Variants in RAPGEF1 observed in about 807,000 individuals in gnomAD.
RAPGEF1 encodes CRK SH3-binding GNRP.
In RAPGEF1, 33 loss-of-function variants were observed where a neutral mutation model predicts 143.3. That is an observed-to-expected ratio of 0.23 (90% CI 0.17 to 0.31). The LOEUF is 0.31. Ranked by LOEUF, RAPGEF1 falls within the 10% of genes least tolerant of loss-of-function variation. The pLI, the probability that RAPGEF1 is intolerant of heterozygous loss-of-function variation, is 1.00. For synonymous variants in RAPGEF1, 629 were observed against 676.5 expected (o/e 0.93, Z 1.09); for missense variants, 1,199 against 1,645.4 (o/e 0.73, Z 4.69).
intron 1 of RAPGEF1, among the ~76,000 whole-genome samples, chr9:131,709,430 A>G (rs915340780): frequency 3.3e-5 from 5 of 152,214 alleles, no homozygotes; most frequent in African/African-American, 1.2e-4. Flanking sequence ...AAACCAAGCC[A>G]TCATATTGAG....
rs868200622 is a variant in RAPGEF1, at chr9:131,586,835, G to A, written c.3233+901C>T. On this transcript the variant is annotated intron_variant, in intron 22 of 26. Transcript: ENST00000683357. ...ACACACACCTGCAGAGCGAGACTCCGTCTCAAACACACACACACACACACA... is the reference window on the plus strand; with the variant it reads ...ACACACACCTGCAGAGCGAGACTCCATCTCAAACACACACACACACACACA... Among the ~76,000 whole-genome samples the A allele has an allele frequency of 4.4e-4, 25 of 56,992 alleles. 2 individuals carry two copies. The highest frequency in any genetic ancestry group is 9.3e-4 in the East Asian group (2 of 2,144). 37.4% of individuals were successfully genotyped at this position (56,992 alleles called of 152,430 possible). A position where few individuals can be genotyped will look rare whatever the true frequency, so the allele number is the denominator to read the frequency against.
intron 1 of RAPGEF1, among the ~76,000 whole-genome samples, chr9:131,665,842 T>C (rs778810478): frequency 2.6e-5 from 4 of 152,204 alleles, no homozygotes; most frequent in Non-Finnish European, 4.4e-5. Flanking sequence ...GCTTTAGAAA[T>C]CAAGGTGATA....
At chr9:131,612,620 G>C (rs1259572528) in intron 12 of RAPGEF1, among the ~76,000 whole-genome samples, 2 of 152,170 alleles carry the variant, frequency 1.3e-5, no homozygotes, top group Non-Finnish European at 2.9e-5. Context: ...TCTATAGGTG[G>C]CTCTACGTTA....
intron 4 of RAPGEF1, 25 bp downstream of exon 4, chr9:131,643,214 A>G (rs1231564856): frequency 6.3e-7 from 1 of 1,590,998 alleles, no homozygotes; most frequent in Non-Finnish European, 8.5e-7. Context: ...GTTCTGACAC[A>G]GCCAAAGACT....
rs71501267 is a variant in RAPGEF1, at chr9:131,725,760, G to GTT, written c.61+14008_61+14009dup. ...TTTGCCCATTTAAAAATTGGGTTGTGTTTTTTTTTTTTTTTTGAGACGGAG... is the reference window on the plus strand; with the variant it reads ...TTTGCCCATTTAAAAATTGGGTTGTGTTTTTTTTTTTTTTTTTTGAGACGGAG... On this transcript the variant is annotated intron_variant, in intron 1 of 26. Coordinates refer to ENST00000683357, the MANE Select transcript of RAPGEF1 (RefSeq NM_001377935.1). 3.2e-3 allele frequency among the ~76,000 whole-genome samples: 428 copies of GTT among 132,606 alleles called. 8 individuals carry two copies. The highest frequency in any genetic ancestry group is 9.0e-3 in the African/African-American group (314 of 34,822). 87.0% of individuals were successfully genotyped at this position (132,606 alleles called of 152,430 possible).
At chr9:131,654,550 A>G (rs1488417707) in intron 1 of RAPGEF1, among the ~76,000 whole-genome samples, 1 of 152,102 alleles carries the variant, frequency 6.6e-6, no homozygotes, top group African/African-American at 2.4e-5. Flanking sequence ...TACCTACAAA[A>G]TATTAGCTGG....
In RAPGEF1 at chr9:131,602,929, G is replaced by C. The variant is rs537012536; in HGVS notation, c.2413-780C>G. Among the ~76,000 whole-genome samples, 4 of 152,360 alleles carry C rather than the reference G, an allele frequency of 2.6e-5. No homozygotes were observed. The South Asian group carries it at 6.2e-4, about 24-fold the overall frequency. On this transcript the variant is annotated intron_variant, in intron 14 of 26. Coordinates refer to ENST00000683357, the MANE Select transcript of RAPGEF1 (RefSeq NM_001377935.1). The stretch of plus-strand genomic sequence containing the variant: ...CAAGGCAAGGAGCCAGTGAGCCCTG[G>C]AAGTGTCACAGTGGAGGGAGAGAGC...
intron 16 of RAPGEF1, 42 bp from the exon 17 acceptor site, chr9:131,596,415 C>G (rs779528638): frequency 1.9e-6 from 3 of 1,586,534 alleles, no homozygotes; most frequent in African/African-American, 2.7e-5. Flanking sequence ...GCAGAGTATG[C>G]CCTTCAGAGA....
chr9:131,644,154 T>C (rs1968866303), intron 3 of RAPGEF1, among the ~76,000 whole-genome samples: 1 of 152,096 alleles, frequency 6.6e-6, no homozygotes, highest in Non-Finnish European at 1.5e-5. Context: ...AAAGGGAAAA[T>C]ACAGAGCCCT....
chr9:131,738,723 A>G (rs538460433), intron 1 of RAPGEF1, among the ~76,000 whole-genome samples: 1 of 152,298 alleles, frequency 6.6e-6, no homozygotes, highest in South Asian at 2.1e-4. Context: ...AACCCTCAAT[A>G]AAGCCTACAA....
chr9:131,621,773 T>C lies in RAPGEF1; in HGVS notation c.1905+23A>G. On this transcript the variant is annotated intron_variant, in intron 11 of 26. Coordinates refer to ENST00000683357, the MANE Select transcript of RAPGEF1 (RefSeq NM_001377935.1). This position sits in a 1 kb window ranked among gnomAD's most constrained non-coding sequence, Gnocchi z 4.5. ...GACCTGCTAGGATCGGAAGTTCTAG[T>C]CACAAGGGAAGGTGTCACTCACCAG... is the stretch of plus-strand genomic sequence containing the variant. 1.3e-6 allele frequency: 2 copies of C among 1,582,940 alleles called. No homozygotes were observed. Among genetic ancestry groups the C allele is most frequent in the Non-Finnish European group, 1.7e-6 (2 of 1,165,318 alleles).
intron 1 of RAPGEF1, among the ~76,000 whole-genome samples, chr9:131,662,138 C>T (rs1212957114): frequency 6.6e-6 from 1 of 152,166 alleles, no homozygotes; most frequent in African/African-American, 2.4e-5. Context: ...CCCCACCCAC[C>T]CGGCCTGCTC....
At position 131,627,213 on chromosome 9, in the gene RAPGEF1, C is replaced by CA. The variant is rs10690802; in HGVS notation, c.1201+699dup. Reference sequence around the variant, plus strand: ...TGGGTGACAGAGTGAGGCTCTGTCTCAAAAAAAAAAAAAAAAAAAAAAAAA... The same window carrying CA: ...TGGGTGACAGAGTGAGGCTCTGTCTCAAAAAAAAAAAAAAAAAAAAAAAAAA... On this transcript the variant is annotated intron_variant, in intron 9 of 26. Coordinates refer to ENST00000683357, the MANE Select transcript of RAPGEF1 (RefSeq NM_001377935.1). Among the ~76,000 whole-genome samples, 266 of 97,378 alleles carry CA rather than the reference C, an allele frequency of 2.7e-3. 21 individuals carry two copies. The highest frequency in any genetic ancestry group is 0.011 in the Middle Eastern group (2 of 186). The allele number at this position is 97,378 out of a possible 152,430, so 63.9% of individuals were successfully genotyped here.
chr9:131,589,102 G>C (rs1953718287), intron 19 of RAPGEF1, 116 bp from the exon 20 acceptor site: 1 of 1,006,032 alleles, frequency 9.9e-7, no homozygotes, highest in South Asian at 1.7e-5. Flanking sequence ...AGCTGGCTGG[G>C]AAATTTCTCA....
At chr9:131,720,508 C>G (rs766401042) in intron 1 of RAPGEF1, among the ~76,000 whole-genome samples, 3 of 152,156 alleles carry the variant, frequency 2.0e-5, no homozygotes, top group Non-Finnish European at 4.4e-5. Context: ...AACCAGGCGC[C>G]AGAGCCCAGA....
intron 10 of RAPGEF1, among the ~76,000 whole-genome samples, chr9:131,624,523 T>C (rs777711847): frequency 1.3e-5 from 2 of 152,208 alleles, no homozygotes; most frequent in African/African-American, 4.8e-5. Context: ...ACACTTGTTC[T>C]AGGAGCTGGA....
intron 12 of RAPGEF1, among the ~76,000 whole-genome samples, chr9:131,612,242 C>T (rs1390872030): frequency 6.6e-6 from 1 of 152,192 alleles, no homozygotes; most frequent in Non-Finnish European, 1.5e-5. Flanking sequence ...ATTTTCCCCA[C>T]CACCCTGACT....
intron 1 of RAPGEF1, among the ~76,000 whole-genome samples, chr9:131,731,866 C>A (rs1392509669): frequency 6.6e-6 from 1 of 152,210 alleles, no homozygotes; most frequent in Non-Finnish European, 1.5e-5. Flanking sequence ...GGACAGAAGT[C>A]TAAGCTGTTA....
intron 12 of RAPGEF1, among the ~76,000 whole-genome samples, chr9:131,610,342 T>C (rs941146214): frequency 6.6e-6 from 1 of 152,190 alleles, no homozygotes; most frequent in African/African-American, 2.4e-5. Context: ...CTGAGGAACC[T>C]TGATCAGAAT....
Sources: gnomAD v4.1 joint callset for allele counts (sites outside exome capture counted in the v4.1 genomes callset) on GRCh38, gnomAD v4.1.1 for gene constraint, Gnocchi (gnomAD v3.1) non-coding constraint, MANE v1.5 for transcripts, NCBI Gene and HGNC (gene_info 2026-07-23, HGNC 2026-07-21) for gene names.